GPR173: variants seen among roughly 807,000 people sequenced by gnomAD.
The protein encoded by GPR173 is probable G protein-coupled receptor 173.
Under a neutral mutation model 13.9 loss-of-function variants are expected in GPR173, and 2 were observed. The observed-to-expected ratio is 0.14, with a 90% CI of 0.06 to 0.45. The LOEUF is 0.45. GPR173 is among the 20% of genes least tolerant of loss of function. The pLI is 0.98. For synonymous variants in GPR173, 131 were observed against 141.0 expected (o/e 0.93, Z 0.50); for missense variants, 202 against 340.5 (o/e 0.59, Z 3.20).
chrX:53,057,947 G>T (rs932803060), intron 1 of GPR173, among the ~76,000 whole-genome samples: 23 of 112,061 alleles, frequency 2.1e-4, no homozygotes, highest in African/African-American at 7.5e-4. Flanking sequence ...TGTGAATGGG[G>T]TTTCTATGTG....
At chrX:53,069,708 GTGTT>G (rs1197097237) in intron 1 of GPR173, among the ~76,000 whole-genome samples, 2 of 112,278 alleles carry the variant, frequency 1.8e-5, no homozygotes, top group Admixed American at 9.5e-5. Flanking sequence ...TTTTATCTTT[GTGTT>G]TGTTTGCGTA....
In GPR173 at chrX:53,048,893, G is replaced by A. The variant is rs917322428; in HGVS notation, c.-689G>A. 1.8e-5 allele frequency among the ~76,000 whole-genome samples: 2 copies of A among 111,014 alleles called. No homozygotes were observed. The highest frequency in any genetic ancestry group is 6.5e-5 in the African/African-American group (2 of 30,545). On this transcript the variant is annotated 5_prime_UTR_variant, in exon 1 of 2. Coordinates refer to ENST00000332582, the MANE Select transcript of GPR173 (RefSeq NM_018969.6). ...CATCCCCGCCAGGCCCGGGGAGCGG[G>A]GTGAGCCTGGATGAGAGCCCCCCCA...
intron 1 of GPR173, among the ~76,000 whole-genome samples, chrX:53,060,029 T>TACAC (rs200398295): frequency 9.2e-4 from 94 of 101,999 alleles, no homozygotes; most frequent in Non-Finnish European, 1.7e-3. Flanking sequence ...TATATATATA[T>TACAC]ATACACACAC....
intron 1 of GPR173, among the ~76,000 whole-genome samples, chrX:53,072,169 T>G (rs958837895): frequency 5.5e-5 from 6 of 109,986 alleles, no homozygotes; most frequent in African/African-American, 2.0e-4. Context: ...GTTTTATCTT[T>G]AGCTTTTGTT....
intron 1 of GPR173, among the ~76,000 whole-genome samples, chrX:53,074,037 T>A (rs1310546076): frequency 2.5e-5 from 1 of 40,602 alleles, no homozygotes; most frequent in Non-Finnish European, 3.6e-5. Flanking sequence ...TATATAAATA[T>A]ATAAATATAA....
rs142466176 is a variant in GPR173 at position 53,077,713 on chromosome X, G to C, written c.1092G>C (p.Pro364=). ...HAPCWGTGGA[P]APREPYCVM ...CCTGCTGGGGCACAGGAGGTGCCCC[G>C]GCTCCCAGAGAACCCTACTGTGTCA... Residue 364 remains proline, a synonymous_variant, in exon 2 of 2, where the codon CCG becomes CCC. Coordinates refer to ENST00000332582, the MANE Select transcript of GPR173 (RefSeq NM_018969.6). The C allele has an allele frequency of 6.6e-6, 8 of 1,205,764 alleles. No individual in the cohort carries two copies. In the Admixed American group the frequency reaches 8.7e-5, roughly 13 times the overall value.
At chrX:53,066,241 T>C (rs1556804199) in intron 1 of GPR173, among the ~76,000 whole-genome samples, 1 of 112,281 alleles carries the variant, frequency 8.9e-6, no homozygotes, top group African/African-American at 3.2e-5. Context: ...TTCTTTAGTA[T>C]TCAAATTGCA....
rs184725607 is a variant in GPR173 at position 53,054,988 on chromosome X, G to T, written c.-98+5504G>T. ...TGAGAAAGAGAATTTGGGCACATCT[G>T]GGTGAGGGTGGGGGTGTATATAATT... On this transcript the variant is annotated intron_variant, in intron 1 of 1. Coordinates refer to ENST00000332582, the MANE Select transcript of GPR173 (RefSeq NM_018969.6). 2.7e-5 allele frequency among the ~76,000 whole-genome samples: 3 copies of T among 109,875 alleles called. No individual in the cohort carries two copies. The East Asian group carries it at 8.6e-4, about 31-fold the overall frequency.
intron 1 of GPR173, among the ~76,000 whole-genome samples, chrX:53,052,605 G>A (rs782275870): frequency 1.3e-5 from 1 of 79,512 alleles, no homozygotes; most frequent in Admixed American, 1.3e-4. Flanking sequence ...ACACACACGT[G>A]TGTGTGTGTG....
At position 53,077,259 on chromosome X, in the gene GPR173, G is replaced by A. The variant is rs149369007; in HGVS notation, c.638G>A (p.Arg213His). ...GGCAAGCTGCTCCTCTTCGAGTATCGTCACCGCAAGATGAAGCCAGTGCAG... is the reference window on the plus strand; with the variant it reads ...GGCAAGCTGCTCCTCTTCGAGTATCATCACCGCAAGATGAAGCCAGTGCAG... ...VYGKLLLFEY[R>H]HRKMKPVQMV... is the part of the protein sequence containing the mutation. The change falls in exon 2 of 2, where the codon CGT (arginine) becomes CAT (histidine). Residue 213 changes from arginine (R) to histidine (H), a missense_variant. Physicochemically the swap from Arg to His is conservative, Grantham distance 29. Coordinates refer to ENST00000332582, the MANE Select transcript of GPR173 (RefSeq NM_018969.6). 6.0e-5 allele frequency: 71 copies of A among 1,183,251 alleles called. No homozygotes were observed. The East Asian group carries it at 7.7e-4, about 13-fold the overall frequency.
intron 1 of GPR173, among the ~76,000 whole-genome samples, chrX:53,073,263 G>C (rs1429754097): frequency 9.2e-6 from 1 of 108,480 alleles, no homozygotes; most frequent in Admixed American, 9.9e-5. Context: ...GGCTGTGGCA[G>C]GCCAGGCTGG....
At chrX:53,055,657 C>T (rs781911780) in intron 1 of GPR173, among the ~76,000 whole-genome samples, 9 of 108,027 alleles carry the variant, frequency 8.3e-5, no homozygotes, top group East Asian at 2.9e-4. Flanking sequence ...GGGAGTGGGG[C>T]GTGTGCAGAG....
At chrX:53,051,756 TGA>T (rs1429009621) in intron 1 of GPR173, among the ~76,000 whole-genome samples, 1 of 111,519 alleles carries the variant, frequency 9.0e-6, no homozygotes, top group African/African-American at 3.3e-5. Flanking sequence ...TGTATGTGTA[TGA>T]GTGTGTGGGT....
rs906149751 is a variant in GPR173 at position 53,080,234 on chromosome X, T to A, written c.*2491T>A. 5.8e-5 allele frequency: 7 copies of A among 121,559 alleles called. No individual in the cohort carries two copies. Among genetic ancestry groups the A allele is most frequent in the Non-Finnish European group, 1.1e-4 (6 of 52,824 alleles). The allele number at this position is 121,559 out of a possible 1,213,427, so 10.0% of individuals were successfully genotyped here. A position where few individuals can be genotyped will look rare whatever the true frequency, so the allele number is the denominator to read the frequency against. On this transcript the variant is annotated 3_prime_UTR_variant, in exon 2 of 2. Transcript: ENST00000332582. Reference sequence around the variant, plus strand: ...GACTTTGGTCAGCTTTGACCAAATTTAGAGGGAGGGATGTCATGGGGAAAA... The same window carrying A: ...GACTTTGGTCAGCTTTGACCAAATTAAGAGGGAGGGATGTCATGGGGAAAA...
rs782269583 is a variant in GPR173 at position 53,076,816 on chromosome X, C to T, written c.195C>T (p.Cys65=). Residue 65 remains cysteine, a synonymous_variant, in exon 2 of 2, where the codon TGC becomes TGT. Transcript: ENST00000332582. The part of the protein sequence containing the change: ...KAPYYFLLDL[C]LADGIRSAVC... ...CTTACTACTTCCTGCTGGACCTGTG[C>T]CTGGCCGATGGCATACGCTCTGCCG... 5 of 1,208,817 alleles carry T rather than the reference C, an allele frequency of 4.1e-6. No homozygotes were observed. In the East Asian group the frequency reaches 1.5e-4, roughly 36 times the overall value.
rs1283360224 is a variant in GPR173 at position 53,075,062 on chromosome X, G to A, written c.-97-1463G>A. On this transcript the variant is annotated intron_variant, in intron 1 of 1. Coordinates refer to ENST00000332582, the MANE Select transcript of GPR173 (RefSeq NM_018969.6). ...ATTCAGAGGAAAAAGTTCTCGCCAC[G>A]GCCTCCCTGATCTGACCTCACCACC... is the stretch of plus-strand genomic sequence containing the variant. 2.9e-5 allele frequency among the ~76,000 whole-genome samples: 3 copies of A among 103,913 alleles called. No individual in the cohort carries two copies. The Admixed American group carries it at 3.4e-4, about 12-fold the overall frequency. The allele number at this position is 103,913 out of a possible 115,157, so 90.2% of individuals were successfully genotyped here.
intron 1 of GPR173, among the ~76,000 whole-genome samples, chrX:53,052,282 G>A (rs188119134): frequency 1.8e-5 from 2 of 111,251 alleles, no homozygotes; most frequent in African/African-American, 3.3e-5. Context: ...ACACACACAC[G>A]CAAAATGCTG....
In GPR173 at chrX:53,079,976, C is replaced by T. The variant is rs1932512385; in HGVS notation, c.*2233C>T. ...GGGCCGCCAGGGAACTTGAAAACCT[C>T]ATCTCCTCACAAAGCCTGTAGCCCC... On this transcript the variant is annotated 3_prime_UTR_variant, in exon 2 of 2. Transcript: ENST00000332582. 8.1e-6 allele frequency: 1 copy of T among 122,952 alleles called. No individual in the cohort carries two copies. Among genetic ancestry groups the T allele is most frequent in the Non-Finnish European group, 1.9e-5 (1 of 53,114 alleles). 10.1% of individuals were successfully genotyped at this position (122,952 alleles called of 1,213,427 possible).
At chrX:53,073,436 G>C (rs904498852) in intron 1 of GPR173, among the ~76,000 whole-genome samples, 1 of 110,156 alleles carries the variant, frequency 9.1e-6, no homozygotes, top group Non-Finnish European at 1.9e-5. Context: ...TCTGGGACCT[G>C]TGCTGTTACC....
Sources: gnomAD v4.1 joint callset for allele counts (sites outside exome capture counted in the v4.1 genomes callset) on GRCh38, gnomAD v4.1.1 for gene constraint, MANE v1.5 for transcripts, NCBI Gene and HGNC (gene_info 2026-07-23, HGNC 2026-07-21) for gene names.